TXLNB: variants seen among roughly 807,000 people sequenced by gnomAD.
TXLNB encodes beta-taxilin.
TXLNB carries 37 observed loss-of-function variants against 57.4 expected under a neutral mutation model. The ratio of observed to expected loss-of-function variants is 0.64; its 90% CI spans 0.50 to 0.85. The LOEUF is 0.85. Among genes scored for constraint, TXLNB ranks in the 40% least tolerant of loss-of-function variants. TXLNB has a pLI of 0.00. For synonymous variants in TXLNB, 302 were observed against 309.6 expected (o/e 0.98, Z 0.26); for missense variants, 848 against 825.6 (o/e 1.03, Z -0.33).
chr6:139,231,667 A>C, the TXLNB span, among the ~76,000 whole-genome samples: 64 of 152,148 alleles, frequency 4.2e-4, no homozygotes, highest in African/African-American at 1.4e-3. Context: ...GGGAAACTTC[A>C]TAATCTCTTG....
At position 139,281,654 on chromosome 6, in the gene TXLNB, T is replaced by C. The variant is rs1418655703; in HGVS notation, c.425-4733A>G. On this transcript the variant is annotated intron_variant, in intron 2 of 9. Coordinates refer to ENST00000358430, the MANE Select transcript of TXLNB (RefSeq NM_153235.4). ...AGCTCCGCCTCCCGGGTTCACGCCA[T>C]TCTCCTGCCTCAGCCTCCCGAGTAG... is the stretch of plus-strand genomic sequence containing the variant. 2.9e-5 allele frequency among the ~76,000 whole-genome samples: 3 copies of C among 103,680 alleles called. 1 individual carries two copies. Among genetic ancestry groups the C allele is most frequent in the African/African-American group, 2.0e-4 (3 of 14,962 alleles). The allele number at this position is 103,680 out of a possible 152,430, so 68.0% of individuals were successfully genotyped here.
chr6:139,216,175 G>A, the TXLNB span, among the ~76,000 whole-genome samples: 4 of 151,974 alleles, frequency 2.6e-5, no homozygotes, highest in South Asian at 2.1e-4. Context: ...ACATGCACAC[G>A]TATGTTTATT....
At chr6:139,216,168 T>G in the TXLNB span, among the ~76,000 whole-genome samples, 1 of 151,978 alleles carries the variant, frequency 6.6e-6, no homozygotes, top group Non-Finnish European at 1.5e-5. Context: ...TAAAGACACA[T>G]GCACACGTAT....
the TXLNB span, among the ~76,000 whole-genome samples, chr6:139,185,075 G>A: frequency 3.3e-5 from 5 of 152,184 alleles, no homozygotes; most frequent in Admixed American, 2.6e-4. Context: ...AAGTAAAGCC[G>A]GGTGAAGCCT....
chr6:139,179,007 A>T, the TXLNB span: 3 of 152,324 alleles, frequency 2.0e-5, no homozygotes, highest in South Asian at 4.1e-4. Context: ...TTGGTGTTTG[A>T]TCATCTGAAA....
the TXLNB span, among the ~76,000 whole-genome samples, chr6:139,306,909 GTTTC>G: frequency 6.6e-6 from 1 of 152,070 alleles, no homozygotes; most frequent in Non-Finnish European, 1.5e-5. Context: ...TTATGTTGTT[GTTTC>G]TTTCTGTGAT....
chr6:139,255,495 T>G (rs1304649224), intron 7 of TXLNB, 69 bp downstream of exon 7: 7 of 1,377,906 alleles, frequency 5.1e-6, no homozygotes, highest in Non-Finnish European at 7.2e-6. Flanking sequence ...GCTGCCCACC[T>G]TTGGCCCCAG....
chr6:139,254,373 T>G (rs2114480470), intron 7 of TXLNB, among the ~76,000 whole-genome samples: 1 of 152,178 alleles, frequency 6.6e-6, no homozygotes, highest in African/African-American at 2.4e-5. Flanking sequence ...TGTCAGCATA[T>G]AAACATTTAC....
upstream of TXLNB, among the ~76,000 whole-genome samples, chr6:139,296,270 T>G (rs1251873372): frequency 6.6e-6 from 1 of 152,222 alleles, no homozygotes; most frequent in Non-Finnish European, 1.5e-5. Context: ...TTTGATACCC[T>G]TATACTTACT....
At chr6:139,199,938 C>T in the TXLNB span, 1 of 152,268 alleles carries the variant, frequency 6.6e-6, no homozygotes, top group African/African-American at 2.4e-5. Context: ...GCCTCACAGA[C>T]CTCCAATGAC....
At chr6:139,199,425 C>A in the TXLNB span, among the ~76,000 whole-genome samples, 20,226 of 152,134 alleles carry the variant, frequency 0.13, 1,567 homozygotes, top group African/African-American at 0.19. Flanking sequence ...CTGGGTTTGG[C>A]CCTGGGGTCC....
chr6:139,261,777 A>G lies in TXLNB; in HGVS notation c.882+802T>C, dbSNP rs1473989677. On this transcript the variant is annotated intron_variant, in intron 5 of 9. Coordinates refer to ENST00000358430, the MANE Select transcript of TXLNB (RefSeq NM_153235.4). ...GACAATTAAATGCCATATGGTATGT[A>G]AAGTACAGCACTTAGCACATTGCCT... Among the ~76,000 whole-genome samples, 3 of 152,246 alleles carry G rather than the reference A, an allele frequency of 2.0e-5. No homozygotes were observed. In the East Asian group the frequency reaches 5.8e-4, roughly 29 times the overall value.
the TXLNB span, among the ~76,000 whole-genome samples, chr6:139,190,305 C>CTT: frequency 0.054 from 5,884 of 108,150 alleles, 400 homozygotes; most frequent in African/African-American, 0.089. Context: ...TTCTTTCTTT[C>CTT]TTTCTTTTTT....
At chr6:139,245,094 C>G (rs538803044) in intron 8 of TXLNB, among the ~76,000 whole-genome samples, 2 of 152,270 alleles carry the variant, frequency 1.3e-5, no homozygotes, top group African/African-American at 4.8e-5. Flanking sequence ...TTGATAATAT[C>G]TGGGCACATC....
At chr6:139,169,239 TGTTG>T in the TXLNB span, among the ~76,000 whole-genome samples, 1 of 152,000 alleles carries the variant, frequency 6.6e-6, no homozygotes, top group Non-Finnish European at 1.5e-5. Flanking sequence ...TTATTTTTTT[TGTTG>T]GAGTGGAGAA....
At chr6:139,223,534 G>A in the TXLNB span, among the ~76,000 whole-genome samples, 12 of 152,078 alleles carry the variant, frequency 7.9e-5, no homozygotes, top group Non-Finnish European at 1.5e-4. Context: ...GAAAATTTTC[G>A]CAACCTACTC....
In TXLNB at chr6:139,285,760, AT is replaced by A. The variant is rs1435116390; in HGVS notation, c.424+2715del. Among the ~76,000 whole-genome samples the A allele has an allele frequency of 1.4e-5, 2 of 145,130 alleles. 1 individual carries two copies. Among genetic ancestry groups the A allele is most frequent in the Non-Finnish European group, 3.1e-5 (2 of 65,212 alleles). On this transcript the variant is annotated intron_variant, in intron 2 of 9. Transcript: ENST00000358430. ...TAAAGCAAACCTGCCATGATGACCA[AT>A]GTTTGACTCCTCCATACCAAGGTGT...
the TXLNB span, among the ~76,000 whole-genome samples, chr6:139,162,089 T>C: frequency 6.6e-6 from 1 of 152,174 alleles, no homozygotes; most frequent in Non-Finnish European, 1.5e-5. Context: ...TTACAAAGCC[T>C]GGGCCCAGTG....
chr6:139,289,183 C>T (rs898563363), intron 1 of TXLNB, among the ~76,000 whole-genome samples: 1 of 152,156 alleles, frequency 6.6e-6, no homozygotes, highest in African/African-American at 2.4e-5. Context: ...GGTGCCGCGC[C>T]CTGAGCCTGG....
Sources: allele counts gnomAD v4.1 joint callset (sites outside exome capture counted in the v4.1 genomes callset), GRCh38; gene constraint gnomAD v4.1.1; transcripts MANE v1.5; gene names NCBI Gene and HGNC (gene_info 2026-07-23, HGNC 2026-07-21).